Variants in AFG2A observed in about 807,000 individuals in gnomAD.
AFG2A encodes AAA ATPase AFG2A.
chr4:123,038,464 C>A, the AFG2A span, among the ~76,000 whole-genome samples: 1 of 152,042 alleles, frequency 6.6e-6, no homozygotes, highest in Non-Finnish European at 1.5e-5. Context: ...TAATATTTAT[C>A]TTTGAAACTG....
chr4:123,147,809 C>A, the AFG2A span, among the ~76,000 whole-genome samples: 1 of 152,062 alleles, frequency 6.6e-6, no homozygotes, highest in Admixed American at 6.6e-5. Flanking sequence ...ATTATATTTT[C>A]CAAAAATCAT....
At chr4:123,184,763 C>G in the AFG2A span, among the ~76,000 whole-genome samples, 1 of 151,526 alleles carries the variant, frequency 6.6e-6, no homozygotes, top group South Asian at 2.1e-4. Flanking sequence ...GTCTCGATCT[C>G]CTGACCTCGT....
the AFG2A span, among the ~76,000 whole-genome samples, chr4:123,016,008 T>C: frequency 0.44 from 4,559 of 10,360 alleles, 1,843 homozygotes; most frequent in African/African-American, 0.55. Context: ...ACCTTCCTCC[T>C]GGATGGGGCG....
At chr4:123,066,765 C>A in the AFG2A span, among the ~76,000 whole-genome samples, 1 of 152,080 alleles carries the variant, frequency 6.6e-6, no homozygotes, top group African/African-American at 2.4e-5. Context: ...TACTTAATTG[C>A]CTCACATATA....
the AFG2A span, among the ~76,000 whole-genome samples, chr4:123,031,309 G>A: frequency 1.3e-5 from 2 of 151,944 alleles, no homozygotes; most frequent in African/African-American, 2.4e-5. Flanking sequence ...GCACCCCAAC[G>A]CCCAGCTAAT....
At chr4:123,189,684 C>T in the AFG2A span, among the ~76,000 whole-genome samples, 147 of 152,106 alleles carry the variant, frequency 9.7e-4, no homozygotes, top group African/African-American at 3.2e-3. Context: ...TGAGTATTGC[C>T]TTAGCTTTCA....
At chr4:123,004,900 GACTA>G in the AFG2A span, among the ~76,000 whole-genome samples, 1 of 151,990 alleles carries the variant, frequency 6.6e-6, no homozygotes, top group Non-Finnish European at 1.5e-5. Context: ...CTAAATCTAG[GACTA>G]TTCAGATTAT....
chr4:123,173,629 T>G, the AFG2A span, among the ~76,000 whole-genome samples: 4 of 152,032 alleles, frequency 2.6e-5, no homozygotes, highest in Non-Finnish European at 5.9e-5. Flanking sequence ...GCTGGGATTA[T>G]AGGCCTGAGC....
the AFG2A span, chr4:123,028,044 G>T: frequency 3.1e-6 from 2 of 650,012 alleles, no homozygotes; most frequent in Non-Finnish European, 5.1e-6. Context: ...GTTATTCTTG[G>T]AATTTTTTAA....
At chr4:122,954,074 A>C in the AFG2A span, among the ~76,000 whole-genome samples, 1 of 152,170 alleles carries the variant, frequency 6.6e-6, no homozygotes, top group Non-Finnish European at 1.5e-5. Context: ...GTCTGCCATC[A>C]CAAAGGAGAT....
At chr4:123,184,532 CTTTTTT>C in the AFG2A span, among the ~76,000 whole-genome samples, 1 of 89,280 alleles carries the variant, frequency 1.1e-5, no homozygotes, top group African/African-American at 4.5e-5. Flanking sequence ...ATGATCATTT[CTTTTTT>C]TTTTTTTTTT....
At chr4:122,947,660 G>A in the AFG2A span, among the ~76,000 whole-genome samples, 1 of 151,886 alleles carries the variant, frequency 6.6e-6, no homozygotes, top group Middle Eastern at 3.4e-3. Flanking sequence ...AGATGATTCA[G>A]AAGACTATAA....
the AFG2A span, among the ~76,000 whole-genome samples, chr4:122,929,722 A>C: frequency 1.3e-5 from 2 of 151,980 alleles, no homozygotes; most frequent in African/African-American, 2.4e-5. Context: ...GTTACCAATA[A>C]GATATTTTGC....
chr4:123,057,908 T>C, the AFG2A span, among the ~76,000 whole-genome samples: 4 of 152,178 alleles, frequency 2.6e-5, no homozygotes, highest in East Asian at 3.8e-4. Context: ...AAGTGGTTCA[T>C]GTTGGGTAAT....
the AFG2A span, among the ~76,000 whole-genome samples, chr4:123,007,207 T>C: frequency 6.6e-6 from 1 of 152,132 alleles, no homozygotes; most frequent in African/African-American, 2.4e-5. Flanking sequence ...TAAGGCAGTG[T>C]TTTGAATAGG....
the AFG2A span, among the ~76,000 whole-genome samples, chr4:123,193,967 T>C: frequency 6.6e-6 from 1 of 152,178 alleles, no homozygotes; most frequent in Non-Finnish European, 1.5e-5. Context: ...ATATTAGAAC[T>C]AACATCCCCT....
chr4:123,061,092 T>A, the AFG2A span, among the ~76,000 whole-genome samples: 1 of 152,194 alleles, frequency 6.6e-6, no homozygotes, highest in Non-Finnish European at 1.5e-5. Context: ...TGTCAGCATT[T>A]TGGTCAAAGC....
At chr4:123,180,978 C>CTTTTTTT in the AFG2A span, among the ~76,000 whole-genome samples, 12 of 118,366 alleles carry the variant, frequency 1.0e-4, no homozygotes, top group Non-Finnish European at 1.7e-4. Context: ...TCCTCCCCCT[C>CTTTTTTT]TTTTTTTTTT....
chr4:123,145,710 C>G, the AFG2A span, among the ~76,000 whole-genome samples: 6 of 152,110 alleles, frequency 3.9e-5, no homozygotes, highest in South Asian at 1.2e-3. Context: ...AAATTCTCTT[C>G]CAAATATTTA....
Sources: gnomAD v4.1 joint callset for allele counts (sites outside exome capture counted in the v4.1 genomes callset) on GRCh38, gnomAD v4.1.1 for gene constraint, MANE v1.5 for transcripts, NCBI Gene and HGNC (gene_info 2026-07-23, HGNC 2026-07-21) for gene names.